The following SLC30A6 variants were observed in gnomAD, a reference collection of about 807,000 sequenced individuals.
The protein encoded by SLC30A6 is solute carrier family 30 member 6, also known as zinc transporter 6.
In SLC30A6, 55 loss-of-function variants were observed where a neutral mutation model predicts 63.0. The ratio of observed to expected loss-of-function variants is 0.87; its 90% CI spans 0.70 to 1.09. The LOEUF is 1.09. Ranked by LOEUF, SLC30A6 falls within the 50% of genes least tolerant of loss-of-function variation. The pLI is 0.00. For synonymous variants in SLC30A6, 224 were observed against 186.1 expected (o/e 1.20, Z -1.66); for missense variants, 587 against 549.2 (o/e 1.07, Z -0.69).
intron 13 of SLC30A6, among the ~76,000 whole-genome samples, chr2:32,209,855 G>T (rs1295872643): frequency 6.6e-6 from 1 of 152,020 alleles, no homozygotes. Flanking sequence ...CATCAAACAT[G>T]TTAATGATAA....
chr2:32,206,093 A>G (rs559744645), intron 11 of SLC30A6, among the ~76,000 whole-genome samples: 1 of 152,220 alleles, frequency 6.6e-6, no homozygotes, highest in East Asian at 1.9e-4. Flanking sequence ...TCAAACTTAA[A>G]ATCTTAAATG....
At chr2:32,198,664 A>G (rs1278559675) in intron 10 of SLC30A6, among the ~76,000 whole-genome samples, 1 of 152,040 alleles carries the variant, frequency 6.6e-6, no homozygotes, top group Non-Finnish European at 1.5e-5. Context: ...GCTCACTGCA[A>G]CCTCCACCTC....
chr2:32,193,832 A>G (rs1220799066), intron 7 of SLC30A6, 57 bp from the exon 8 acceptor site: 15 of 1,391,468 alleles, frequency 1.1e-5, no homozygotes, highest in Admixed American at 1.7e-5. Flanking sequence ...TATTGAAATT[A>G]CATACTGATA....
At chr2:32,166,427 A>G (rs1456780119) in intron 1 of SLC30A6, among the ~76,000 whole-genome samples, 3 of 152,256 alleles carry the variant, frequency 2.0e-5, no homozygotes, top group African/African-American at 7.2e-5. Context: ...TAACTACAGA[A>G]AGTCAAGGTG....
intron 11 of SLC30A6, 119 bp downstream of exon 11, chr2:32,204,811 A>ATTTTTTTTTTTTTTTTTTTAATTTTATT: frequency 5.5e-6 from 1 of 182,974 alleles, no homozygotes; most frequent in Non-Finnish European, 9.7e-6. Context: ...TTTAATTTTA[A>ATTTTTTTTTTTTTTTTTTTAATTTTATT]TTTTTTTTTT....
chr2:32,218,476 G>A (rs772072249), intron 13 of SLC30A6, among the ~76,000 whole-genome samples: 1 of 150,748 alleles, frequency 6.6e-6, no homozygotes, highest in Non-Finnish European at 1.5e-5. Context: ...ATATCTGTCT[G>A]TCCCTCTCTG....
At position 32,220,378 on chromosome 2, in the gene SLC30A6, C is replaced by G. The variant is rs372327225; in HGVS notation, c.1051C>G (p.Leu351Val). Residue 351 changes from leucine (L) to valine (V), a missense_variant, in exon 14 of 14, where the codon CTA (leucine) becomes GTA (valine). Physicochemically the swap from Leu to Val is conservative, Grantham distance 32 (BLOSUM62 1). Transcript: ENST00000282587. Reference protein sequence around the residue: ...LLSGPVAANVLNFSDHHVIPM... With the variant: ...LLSGPVAANVVNFSDHHVIPM... ...GTCTGGGCCTGTTGCAGCCAATGTC[C>G]TAAACTTTTCAGATCATCACGTAAT... is the stretch of plus-strand genomic sequence containing the variant. 1 of 1,614,054 alleles carries G rather than the reference C, an allele frequency of 6.2e-7. No homozygotes were observed. Among genetic ancestry groups the G allele is most frequent in the African/African-American group, 1.3e-5 (1 of 74,918 alleles).
chr2:32,215,518 T>TA (rs66665816), intron 13 of SLC30A6, among the ~76,000 whole-genome samples: 3,459 of 93,104 alleles, frequency 0.037, 62 homozygotes, highest in Middle Eastern at 0.044. Context: ...ATATATATAT[T>TA]TTTTTTTTTT....
At chr2:32,215,951 A>G (rs1389965393) in intron 13 of SLC30A6, among the ~76,000 whole-genome samples, 1 of 152,108 alleles carries the variant, frequency 6.6e-6, no homozygotes, top group Non-Finnish European at 1.5e-5. Context: ...GTGCCCATCA[A>G]TCCTAGGTGT....
chr2:32,197,946 A>C (rs1683946755), intron 10 of SLC30A6, 120 bp downstream of exon 10: 1 of 1,187,640 alleles, frequency 8.4e-7, no homozygotes, highest in Admixed American at 2.6e-5. Context: ...TGTGTAACTT[A>C]GATCACATCT....
At chr2:32,197,608 C>T in intron 9 of SLC30A6, 99 bp from the exon 10 acceptor site, 1 of 1,531,012 alleles carries the variant, frequency 6.5e-7, no homozygotes. Context: ...TTAAGAAGTA[C>T]ACTATGTGGT....
At position 32,221,765 on chromosome 2, in the gene SLC30A6, TTTGA is replaced by T. The variant is rs1414447981; in HGVS notation, c.*1055_*1058del. On this transcript the variant is annotated 3_prime_UTR_variant, in exon 14 of 14. Coordinates refer to ENST00000282587, the MANE Select transcript of SLC30A6 (RefSeq NM_017964.5). ...TAGTCCATGGTTCTCAGTGTTTTAT[TTTGA>T]TTAAGTGACTACCCAACTTTTGGTG... 7 of 152,202 alleles carry T rather than the reference TTTGA, an allele frequency of 4.6e-5. No homozygotes were observed. Among genetic ancestry groups the T allele is most frequent in the African/African-American group, 1.7e-4 (7 of 41,456 alleles). The allele number at this position is 152,202 out of a possible 1,614,324, so 9.4% of individuals were successfully genotyped here. A position where few individuals can be genotyped will look rare whatever the true frequency, so the allele number is the denominator to read the frequency against.
In SLC30A6 at chr2:32,183,943, T is replaced by C. The variant is rs1172241170; in HGVS notation, c.219-330T>C. Among the ~76,000 whole-genome samples, 9 of 152,306 alleles carry C rather than the reference T, an allele frequency of 5.9e-5. No homozygotes were observed. The East Asian group carries it at 1.7e-3, about 29-fold the overall frequency. On this transcript the variant is annotated intron_variant, in intron 4 of 13. Coordinates refer to ENST00000282587, the MANE Select transcript of SLC30A6 (RefSeq NM_017964.5). The stretch of plus-strand genomic sequence containing the variant: ...ATCATATGTGTCATTTTTTAGCATT[T>C]TCAGTTACAGAAACCATTTAGGGTG...
intron 12 of SLC30A6, among the ~76,000 whole-genome samples, chr2:32,208,663 G>T (rs1451269097): frequency 8.0e-6 from 1 of 124,970 alleles, no homozygotes; most frequent in African/African-American, 3.0e-5. Flanking sequence ...CGTGTTCTCT[G>T]CTTCCCACCG....
intron 1 of SLC30A6, among the ~76,000 whole-genome samples, chr2:32,169,215 G>A (rs1222913961): frequency 6.6e-6 from 1 of 151,942 alleles, no homozygotes; most frequent in Non-Finnish European, 1.5e-5. Context: ...TCGCTCTGTT[G>A]CCCAGGCTTG....
At chr2:32,169,257 T>G (rs1456808939) in intron 1 of SLC30A6, among the ~76,000 whole-genome samples, 1 of 152,144 alleles carries the variant, frequency 6.6e-6, no homozygotes, top group Non-Finnish European at 1.5e-5. Flanking sequence ...ACTGCTTGAC[T>G]TCCCGGGCTC....
intron 3 of SLC30A6, 84 bp from the exon 4 acceptor site, chr2:32,175,235 C>G: frequency 1.5e-6 from 2 of 1,310,158 alleles, no homozygotes; most frequent in Non-Finnish European, 1.1e-6. Flanking sequence ...AATGGATACC[C>G]CTGGTAGAAA....
At chr2:32,166,050 C>T in intron 1 of SLC30A6, 147 bp downstream of exon 1, 1 of 1,151,834 alleles carries the variant, frequency 8.7e-7, no homozygotes. Context: ...CGGCTGTCTC[C>T]CAAAATGTTC....
At chr2:32,196,292 G>T (rs910964091) in intron 8 of SLC30A6, among the ~76,000 whole-genome samples, 2 of 151,854 alleles carry the variant, frequency 1.3e-5, no homozygotes, top group Non-Finnish European at 2.9e-5. Flanking sequence ...TCCTGCCTGG[G>T]TGACAAAAGT....
Sources: allele counts gnomAD v4.1 joint callset (sites outside exome capture counted in the v4.1 genomes callset), GRCh38; gene constraint gnomAD v4.1.1; transcripts MANE v1.5; gene names NCBI Gene and HGNC (gene_info 2026-07-23, HGNC 2026-07-21).